The following CDH13 variants were observed in gnomAD, a reference collection of about 807,000 sequenced individuals.
CDH13 encodes cadherin 13.
A neutral mutation model predicts 63.8 loss-of-function variants in CDH13; 24 were observed. The observed-to-expected ratio is 0.38, with a 90% CI of 0.27 to 0.53. The LOEUF is 0.53. Among genes scored for constraint, CDH13 ranks in the 20% least tolerant of loss-of-function variants. The pLI, the probability that CDH13 is intolerant of heterozygous loss-of-function variation, is 0.85. For missense variants in CDH13, 1,049 were observed against 903.1 expected (o/e 1.16, Z -2.07); for synonymous variants, 503 against 355.3 (o/e 1.42, Z -4.67).
intron 10 of CDH13, among the ~76,000 whole-genome samples, chr16:83,726,753 G>C (rs1436186489): frequency 6.6e-6 from 1 of 152,094 alleles, no homozygotes; most frequent in Non-Finnish European, 1.5e-5. Flanking sequence ...CAGGGGAATG[G>C]CGTGAACCCG....
At chr16:83,227,625 T>C (rs974333334) in intron 5 of CDH13, among the ~76,000 whole-genome samples, 1 of 152,160 alleles carries the variant, frequency 6.6e-6, no homozygotes, top group Non-Finnish European at 1.5e-5. Flanking sequence ...GCTCTGGATA[T>C]GAAATACGGA....
chr16:83,248,196 G>T (rs1292127263), intron 5 of CDH13, among the ~76,000 whole-genome samples: 3 of 152,072 alleles, frequency 2.0e-5, no homozygotes, highest in Admixed American at 2.0e-4. Flanking sequence ...CAAAGCACAG[G>T]GAGAGCATCA....
intron 2 of CDH13, among the ~76,000 whole-genome samples, chr16:82,943,595 C>A (rs552484472): frequency 6.6e-6 from 1 of 152,278 alleles, no homozygotes; most frequent in African/African-American, 2.4e-5. Flanking sequence ...CAATGTATGT[C>A]TGATGCAATA....
chr16:83,647,832 G>C (rs1598410508), intron 8 of CDH13, among the ~76,000 whole-genome samples: 2 of 152,196 alleles, frequency 1.3e-5, no homozygotes, highest in South Asian at 4.2e-4. Context: ...CTCCTTGACT[G>C]GTCAGTCCTA....
rs58023339 is a variant in CDH13, at chr16:83,691,071, C to CGT, written c.1538+12657_1538+12658dup. ...ACAGGGATTTGCTAACCAACTGTGC[C>CGT]GTGTGTGTGTGTGTGTGTGTGTGTG... On this transcript the variant is annotated intron_variant, in intron 10 of 13. Transcript: ENST00000567109. Among the ~76,000 whole-genome samples, 359 of 141,006 alleles carry CGT rather than the reference C, an allele frequency of 2.5e-3. 1 individual carries two copies. Among genetic ancestry groups the CGT allele is most frequent in the African/African-American group, 8.0e-3 (302 of 37,830 alleles). 92.5% of individuals were successfully genotyped at this position (141,006 alleles called of 152,430 possible). A position where few individuals can be genotyped will look rare whatever the true frequency, so the allele number is the denominator to read the frequency against.
At chr16:82,960,255 A>G (rs984143673) in intron 2 of CDH13, among the ~76,000 whole-genome samples, 1 of 152,186 alleles carries the variant, frequency 6.6e-6, no homozygotes, top group Non-Finnish European at 1.5e-5. Flanking sequence ...TGATGATATA[A>G]TTGACAGTTG....
chr16:83,032,438 G>T (rs891053199), intron 3 of CDH13: 12 of 540,728 alleles, frequency 2.2e-5, no homozygotes, highest in Non-Finnish European at 3.6e-5. Flanking sequence ...TTAATTCATG[G>T]AACTATTTTA....
intron 6 of CDH13, among the ~76,000 whole-genome samples, chr16:83,421,233 G>A (rs2071705374): frequency 6.6e-6 from 1 of 152,270 alleles, no homozygotes; most frequent in Non-Finnish European, 1.5e-5. Flanking sequence ...TTAGTGAGGT[G>A]AAGAGAAGAA....
chr16:83,479,676 C>T (rs1450973859), intron 6 of CDH13, among the ~76,000 whole-genome samples: 1 of 151,874 alleles, frequency 6.6e-6, no homozygotes, highest in Non-Finnish European at 1.5e-5. Flanking sequence ...ACTTACATTT[C>T]TCCATTACTT....
intron 7 of CDH13, among the ~76,000 whole-genome samples, chr16:83,496,075 C>G (rs903985772): frequency 1.3e-5 from 2 of 151,562 alleles, no homozygotes; most frequent in Non-Finnish European, 2.9e-5. Flanking sequence ...GTGAAAATGG[C>G]CATACTGCCC....
chr16:82,749,275 C>G (rs1444614762), intron 1 of CDH13, among the ~76,000 whole-genome samples: 1 of 152,152 alleles, frequency 6.6e-6, no homozygotes, highest in East Asian at 1.9e-4. Flanking sequence ...CCTTGAGCTT[C>G]CCCATTACAT....
intron 4 of CDH13, among the ~76,000 whole-genome samples, chr16:83,177,008 C>G (rs972685833): frequency 5.3e-5 from 8 of 152,186 alleles, no homozygotes; most frequent in African/African-American, 1.9e-4. Flanking sequence ...TCCACTGGAG[C>G]TTGCTGTGAT....
chr16:83,375,160 A>T (rs748668860), intron 6 of CDH13, among the ~76,000 whole-genome samples: 1 of 152,024 alleles, frequency 6.6e-6, no homozygotes, highest in African/African-American at 2.4e-5. Context: ...TCACTGTACT[A>T]CTCTCAGGCA....
intron 10 of CDH13, among the ~76,000 whole-genome samples, chr16:83,733,544 C>A (rs73236459): frequency 2.0e-5 from 3 of 152,130 alleles, no homozygotes; most frequent in South Asian, 4.1e-4. Flanking sequence ...AGTCATAATG[C>A]GAGGCTCAGC....
At chr16:82,883,212 G>C (rs1163128347) in intron 2 of CDH13, among the ~76,000 whole-genome samples, 18 of 152,206 alleles carry the variant, frequency 1.2e-4, no homozygotes, top group Non-Finnish European at 2.9e-5. Context: ...CTACTAAGCA[G>C]CTATGAGAAA....
chr16:82,746,453 A>G (rs1460848713), intron 1 of CDH13, among the ~76,000 whole-genome samples: 1 of 152,076 alleles, frequency 6.6e-6, no homozygotes, highest in African/African-American at 2.4e-5. Context: ...AGAATTTCAT[A>G]TTCTCTCCAG....
At chr16:82,683,425 T>C (rs946384149) in intron 1 of CDH13, among the ~76,000 whole-genome samples, 3 of 152,188 alleles carry the variant, frequency 2.0e-5, no homozygotes, top group African/African-American at 7.2e-5. Flanking sequence ...GAATCTTCCA[T>C]AGCCCGATGC....
intron 2 of CDH13, among the ~76,000 whole-genome samples, chr16:82,915,361 G>C (rs563687528): frequency 6.6e-6 from 1 of 152,260 alleles, no homozygotes; most frequent in South Asian, 2.1e-4. Context: ...TTCTATTTTT[G>C]AACTTGACTC....
intron 2 of CDH13, among the ~76,000 whole-genome samples, chr16:82,980,287 G>A (rs1174163221): frequency 1.3e-5 from 2 of 152,126 alleles, no homozygotes; most frequent in African/African-American, 4.8e-5. Context: ...CCTTCCCTCT[G>A]TAATGAGTTT....
Sources: gnomAD v4.1 joint callset for allele counts (sites outside exome capture counted in the v4.1 genomes callset) on GRCh38, gnomAD v4.1.1 for gene constraint, MANE v1.5 for transcripts, NCBI Gene and HGNC (gene_info 2026-07-23, HGNC 2026-07-21) for gene names.